The following CD46 variants were observed in gnomAD, a reference collection of about 807,000 sequenced individuals.
CD46 encodes membrane cofactor protein.
CD46 carries 30 observed loss-of-function variants against 53.3 expected under a neutral mutation model. The observed-to-expected ratio is 0.56, with a 90% CI of 0.42 to 0.76. The LOEUF is 0.76. Among genes scored for constraint, CD46 ranks in the 30% least tolerant of loss-of-function variants. The pLI, the probability that CD46 is intolerant of heterozygous loss-of-function variation, is 0.00. For synonymous variants in CD46, 142 were observed against 152.0 expected (o/e 0.93, Z 0.48); for missense variants, 409 against 463.0 (o/e 0.88, Z 1.07).
intron 3 of CD46, among the ~76,000 whole-genome samples, chr1:207,759,099 C>T (rs1469917523): frequency 6.6e-6 from 1 of 152,140 alleles, no homozygotes; most frequent in Non-Finnish European, 1.5e-5. Context: ...TTAATAGAAG[C>T]TAAAACTCAT....
intron 4 of CD46, 155 bp downstream of exon 4, chr1:207,759,879 G>A (rs961706873): frequency 6.9e-6 from 4 of 578,728 alleles, no homozygotes; most frequent in African/African-American, 3.8e-5. Flanking sequence ...GAATTCAAAC[G>A]GAGAGGTTTT....
chr1:207,775,644 C>T (rs1658014403), intron 8 of CD46, among the ~76,000 whole-genome samples: 1 of 152,144 alleles, frequency 6.6e-6, no homozygotes, highest in Non-Finnish European at 1.5e-5. Flanking sequence ...TTGGAGTTTG[C>T]TGGAGGTCCA....
At chr1:207,771,476 C>G (rs562522472) in intron 8 of CD46, among the ~76,000 whole-genome samples, 9 of 151,920 alleles carry the variant, frequency 5.9e-5, no homozygotes, top group Non-Finnish European at 1.0e-4. Context: ...TTGCCCGTGC[C>G]TATGTCCTGA....
intron 9 of CD46, among the ~76,000 whole-genome samples, chr1:207,784,002 T>C (rs1280383950): frequency 2.0e-5 from 3 of 152,242 alleles, no homozygotes; most frequent in Non-Finnish European, 4.4e-5. Flanking sequence ...GAAACAGTTC[T>C]AAAAATTAAG....
rs1164710007 is a variant in CD46 at position 207,752,926 on chromosome 1, T to A, written c.97+617T>A. ...TGCTTTGAATGGAGTGAGCGCGGAC[T>A]CTGGGGCTAGGGAGGGCATGTTGAG... On this transcript the variant is annotated intron_variant, in intron 1 of 12. Coordinates refer to ENST00000367042, the MANE Select transcript of CD46 (RefSeq NM_172351.3). This position sits in a 1 kb window ranked among gnomAD's most constrained non-coding sequence, Gnocchi z 4.1. Among the ~76,000 whole-genome samples, 1 of 151,912 alleles carries A rather than the reference T, an allele frequency of 6.6e-6. No individual in the cohort carries two copies. Among genetic ancestry groups the A allele is most frequent in the Non-Finnish European group, 1.5e-5 (1 of 67,958 alleles).
intron 8 of CD46, among the ~76,000 whole-genome samples, chr1:207,781,346 A>AAT (rs1658715744): frequency 1.3e-5 from 2 of 151,958 alleles, no homozygotes; most frequent in Admixed American, 1.3e-4. Flanking sequence ...TTCCTTATCA[A>AAT]ATATATGATT....
chr1:207,753,555 C>T (rs1270597982), intron 1 of CD46, among the ~76,000 whole-genome samples: 1 of 152,078 alleles, frequency 6.6e-6, no homozygotes, highest in African/African-American at 2.4e-5. Context: ...CCCGTGGTCC[C>T]AGCTACTCTG....
At chr1:207,755,146 CACAA>C (rs1431605602) in intron 1 of CD46, among the ~76,000 whole-genome samples, 2 of 151,566 alleles carry the variant, frequency 1.3e-5, no homozygotes, top group Admixed American at 6.6e-5. Flanking sequence ...CACATACACA[CACAA>C]ACAAACAAAA....
intron 3 of CD46, among the ~76,000 whole-genome samples, chr1:207,758,997 GGAA>G (rs1202321167): frequency 1.3e-5 from 2 of 152,054 alleles, no homozygotes; most frequent in African/African-American, 2.4e-5. Flanking sequence ...TTTAAATCAG[GGAA>G]GATTTCATTG....
Position 207,770,069 on chromosome 1 carries a change from C to T in CD46, c.902-252C>T, listed in dbSNP as rs1037777953. 6.5e-6 allele frequency: 3 copies of T among 461,734 alleles called. No individual in the cohort carries two copies. The East Asian group carries it at 1.2e-4, about 19-fold the overall frequency. The allele number at this position is 461,734 out of a possible 1,614,324, so 28.6% of individuals were successfully genotyped here. ...GCGTGAGCCACCACACCCATCCTCA[C>T]ATTACTTTCATGATGGTTATCTTCT... On this transcript the variant is annotated intron_variant, in intron 7 of 12. Transcript: ENST00000367042.
chr1:207,779,122 G>T (rs1429328267), intron 8 of CD46, among the ~76,000 whole-genome samples: 1 of 152,114 alleles, frequency 6.6e-6, no homozygotes, highest in Non-Finnish European at 1.5e-5. Context: ...AGTGATTTTT[G>T]TATATTGATT....
intron 1 of CD46, among the ~76,000 whole-genome samples, chr1:207,755,612 C>T (rs1655441959): frequency 6.6e-6 from 1 of 152,200 alleles, no homozygotes; most frequent in African/African-American, 2.4e-5. Flanking sequence ...GTGGTCTCTT[C>T]TGCCTATTTT....
intron 7 of CD46, chr1:207,768,036 T>C: frequency 1.8e-6 from 1 of 546,716 alleles, no homozygotes; most frequent in Non-Finnish European, 3.2e-6. Context: ...GGGAAAGTTG[T>C]ATAAATTTTG....
chr1:207,778,344 T>C (rs1272048103), intron 8 of CD46, among the ~76,000 whole-genome samples: 2 of 152,174 alleles, frequency 1.3e-5, no homozygotes, highest in Admixed American at 6.5e-5. Flanking sequence ...GATGTCTTTG[T>C]CATGAAATCT....
rs1185399008 is a variant in CD46 at position 207,767,838 on chromosome 1, T to G, written c.901+15T>G. The G allele has an allele frequency of 2.5e-6, 4 of 1,593,700 alleles. No individual in the cohort carries two copies. Among genetic ancestry groups the G allele is most frequent in the Non-Finnish European group, 2.6e-6 (3 of 1,161,982 alleles). ...CAGTGCCTCAGGTTTAGTAATTTCC[T>G]GCTTATAGTTTTTCAAAAATCCTTT... On this transcript the variant is annotated intron_variant, in intron 7 of 12. Transcript: ENST00000367042.
intron 3 of CD46, among the ~76,000 whole-genome samples, chr1:207,759,390 C>T (rs1655925941): frequency 6.6e-6 from 1 of 152,226 alleles, no homozygotes; most frequent in Non-Finnish European, 1.5e-5. Context: ...AGCAAAGAGG[C>T]TGGGTGGAAA....
intron 8 of CD46, among the ~76,000 whole-genome samples, chr1:207,774,361 T>TG (rs1178513953): frequency 3.3e-5 from 5 of 152,334 alleles, no homozygotes; most frequent in African/African-American, 1.2e-4. Context: ...GTTTTTTAAT[T>TG]GGGGCATTTA....
chr1:207,765,677 G>C (rs1311897123), intron 5 of CD46, among the ~76,000 whole-genome samples: 4 of 152,226 alleles, frequency 2.6e-5, no homozygotes, highest in South Asian at 4.2e-4. Flanking sequence ...GACAATACCA[G>C]GTATTGACAA....
Position 207,752,152 on chromosome 1 carries a change from C to G in CD46, c.-61C>G. ...TGGACCCAGAAGGGACTTCCCTGCT[C>G]GGCTGGCTCTCGGTTTCTCTGCTTT... On this transcript the variant is annotated 5_prime_UTR_variant, in exon 1 of 13. Transcript: ENST00000367042. The surrounding 1 kb of genome is among the most constrained non-coding windows in gnomAD (Gnocchi z 4.1). 1 of 1,495,272 alleles carries G rather than the reference C, an allele frequency of 6.7e-7. No individual in the cohort carries two copies. 92.6% of individuals were successfully genotyped at this position (1,495,272 alleles called of 1,614,324 possible).
Sources: gnomAD v4.1 joint callset for allele counts (sites outside exome capture counted in the v4.1 genomes callset) on GRCh38, gnomAD v4.1.1 for gene constraint, Gnocchi (gnomAD v3.1) non-coding constraint, MANE v1.5 for transcripts, NCBI Gene and HGNC (gene_info 2026-07-23, HGNC 2026-07-21) for gene names.